Variants in SLC14A2 observed in about 807,000 individuals in gnomAD.
SLC14A2 encodes the protein urea transporter 2.
A neutral mutation model predicts 104.6 loss-of-function variants in SLC14A2; 91 were observed. The observed-to-expected ratio is 0.87, with a 90% CI of 0.73 to 1.04. The LOEUF (loss-of-function observed/expected upper bound fraction) is 1.04, where lower values mean the gene tolerates loss of function less well. Ranked by LOEUF, SLC14A2 falls within the 50% of genes least tolerant of loss-of-function variation. The pLI, the probability that SLC14A2 is intolerant of heterozygous loss-of-function variation, is 0.00. For synonymous variants in SLC14A2, 476 were observed against 466.4 expected (o/e 1.02, Z -0.27); for missense variants, 1,189 against 1,156.0 (o/e 1.03, Z -0.41).
At position 45,625,259 on chromosome 18, in the gene SLC14A2, C is replaced by A. The variant is rs147331674; in HGVS notation, c.151-424C>A. 1.0e-3 allele frequency among the ~76,000 whole-genome samples: 154 copies of A among 152,322 alleles called. 2 individuals are homozygous for A. The highest frequency in any genetic ancestry group is 3.4e-3 in the African/African-American group (141 of 41,564). ...GACTTGCGATGAGGAGGTCCCATAT[C>A]TTTACTCATCACTACTTTGAAATTA... On this transcript the variant is annotated intron_variant, in intron 2 of 19. Transcript: ENST00000255226.
chr18:45,284,687 T>G (rs1335868114), intron 1 of SLC14A2, among the ~76,000 whole-genome samples: 1 of 152,162 alleles, frequency 6.6e-6, no homozygotes, highest in Non-Finnish European at 1.5e-5. Flanking sequence ...TTTTCCTGGT[T>G]GGATGTTGAC....
chr18:45,471,837 T>G (rs2087254581), intron 1 of SLC14A2, among the ~76,000 whole-genome samples: 2 of 152,134 alleles, frequency 1.3e-5, no homozygotes, highest in Admixed American at 1.3e-4. Context: ...ATGATTTGTT[T>G]CATTGAGGCT....
chr18:45,229,433 T>A (rs930568271), intron 1 of SLC14A2, among the ~76,000 whole-genome samples: 11 of 151,050 alleles, frequency 7.3e-5, no homozygotes, highest in African/African-American at 2.7e-4. Flanking sequence ...TTTGTTTGTT[T>A]AAAAAAAAAG....
At chr18:45,494,518 C>T (rs1255502343) in intron 2 of SLC14A2, among the ~76,000 whole-genome samples, 2 of 152,212 alleles carry the variant, frequency 1.3e-5, no homozygotes, top group African/African-American at 2.4e-5. Flanking sequence ...CTGCCTCAGC[C>T]TCCCAAGTAG....
At position 45,639,866 on chromosome 18, in the gene SLC14A2, A is replaced by T. The variant is rs2045490770; in HGVS notation, c.964A>T (p.Ile322Phe). ...GCCACTCATCTGCTTGCATGCAGCC[A>T]TTGGCTCAATCGTGGGGCTGCTAGC... ...SSPLICLHAA[I>F]GSIVGLLAAL... The change falls in exon 7 of 20, where the codon ATT becomes TTT. Residue 322 changes from isoleucine to phenylalanine, a missense_variant. Ile to Phe is a conservative substitution (Grantham distance 21). Coordinates refer to ENST00000255226, the MANE Select transcript of SLC14A2 (RefSeq NM_007163.4). 1 of 1,613,490 alleles carries T rather than the reference A, an allele frequency of 6.2e-7. No homozygotes were observed. The highest frequency in any genetic ancestry group is 8.5e-7 in the Non-Finnish European group (1 of 1,179,944).
intron 11 of SLC14A2, among the ~76,000 whole-genome samples, chr18:45,665,483 A>G (rs1369152433): frequency 6.6e-6 from 1 of 152,168 alleles, no homozygotes; most frequent in Non-Finnish European, 1.5e-5. Flanking sequence ...AAGAGATTAC[A>G]TGGATGTCTC....
At chr18:45,460,140 T>C (rs556248879) in intron 1 of SLC14A2, among the ~76,000 whole-genome samples, 7 of 152,324 alleles carry the variant, frequency 4.6e-5, no homozygotes, top group Admixed American at 4.6e-4. Flanking sequence ...ATCTATTCCA[T>C]TCTCAAGCAT....
chr18:45,223,145 CA>C (rs2084079446), intron 1 of SLC14A2, among the ~76,000 whole-genome samples: 1 of 152,148 alleles, frequency 6.6e-6, no homozygotes, highest in African/African-American at 2.4e-5. Flanking sequence ...TGTATTATCT[CA>C]AATGAGGAGA....
At chr18:45,370,815 T>A (rs185861298) in intron 1 of SLC14A2, among the ~76,000 whole-genome samples, 33 of 152,292 alleles carry the variant, frequency 2.2e-4, no homozygotes, top group South Asian at 4.1e-4. Context: ...TCAGAGCGGC[T>A]GGAATTGGAA....
intron 2 of SLC14A2, among the ~76,000 whole-genome samples, chr18:45,581,301 G>T (rs534142695): frequency 6.6e-6 from 1 of 152,278 alleles, no homozygotes; most frequent in South Asian, 2.1e-4. Flanking sequence ...AAGGACAGGT[G>T]GGGGACAGAC....
At chr18:45,333,157 C>T (rs2085305884) in intron 1 of SLC14A2, among the ~76,000 whole-genome samples, 1 of 152,186 alleles carries the variant, frequency 6.6e-6, no homozygotes, top group Admixed American at 6.5e-5. Flanking sequence ...CCAAATTATA[C>T]TCCCAAATGC....
At chr18:45,303,515 G>T (rs897311208) in intron 1 of SLC14A2, among the ~76,000 whole-genome samples, 7 of 152,220 alleles carry the variant, frequency 4.6e-5, no homozygotes, top group Non-Finnish European at 1.0e-4. Context: ...GCCTCATGTG[G>T]ACATTGCTGG....
chr18:45,475,973 AT>A (rs1209723659), intron 1 of SLC14A2, among the ~76,000 whole-genome samples: 1 of 151,990 alleles, frequency 6.6e-6, no homozygotes, highest in African/African-American at 2.4e-5. Flanking sequence ...CATTTAGCCC[AT>A]TTACATTTAA....
At chr18:45,675,709 A>ATTT (rs71177687) in intron 18 of SLC14A2, among the ~76,000 whole-genome samples, 5 of 78,386 alleles carry the variant, frequency 6.4e-5, no homozygotes, top group African/African-American at 2.5e-4. Flanking sequence ...ATATATATAT[A>ATTT]TTTTTTTTTT....
At chr18:45,231,066 A>G (rs950121443) in intron 1 of SLC14A2, among the ~76,000 whole-genome samples, 2 of 152,258 alleles carry the variant, frequency 1.3e-5, no homozygotes, top group Admixed American at 1.3e-4. Flanking sequence ...GTCAAGGAAT[A>G]GAAGGGCATT....
intron 1 of SLC14A2, among the ~76,000 whole-genome samples, chr18:45,341,921 G>A (rs117537644): frequency 3.9e-5 from 6 of 152,116 alleles, no homozygotes; most frequent in Non-Finnish European, 8.8e-5. Flanking sequence ...CAAGAAGGCT[G>A]TGATGTGTCT....
chr18:45,556,023 C>G (rs2044128565), intron 2 of SLC14A2, among the ~76,000 whole-genome samples: 1 of 152,164 alleles, frequency 6.6e-6, no homozygotes, highest in Non-Finnish European at 1.5e-5. Context: ...TCTCACAATT[C>G]TGAAAGCTGG....
chr18:45,394,423 A>G (rs1462206309), intron 1 of SLC14A2, among the ~76,000 whole-genome samples: 1 of 152,214 alleles, frequency 6.6e-6, no homozygotes, highest in African/African-American at 2.4e-5. Context: ...AATTAAATAT[A>G]TATGAAATTT....
chr18:45,353,268 A>T lies in SLC14A2; in HGVS notation c.-124-129965A>T, dbSNP rs1394700187. 2.6e-5 allele frequency among the ~76,000 whole-genome samples: 4 copies of T among 152,196 alleles called. No individual in the cohort carries two copies. The East Asian group carries it at 7.7e-4, about 29-fold the overall frequency. On this transcript the variant is annotated intron_variant, in intron 1 of 20. Transcript: ENST00000586448. The stretch of plus-strand genomic sequence containing the variant: ...TACAAATGGTAGAAATTCAAAGAAA[A>T]CTCTAGGAAATGCCAACAATTATAC...
Sources: allele counts gnomAD v4.1 joint callset (sites outside exome capture counted in the v4.1 genomes callset), GRCh38; gene constraint gnomAD v4.1.1; transcripts MANE v1.5; gene names NCBI Gene and HGNC (gene_info 2026-07-23, HGNC 2026-07-21).